Variants in DZANK1 observed in about 807,000 individuals in gnomAD.
DZANK1 encodes double zinc ribbon and ankyrin repeat-containing protein 1.
Under a neutral mutation model 94.5 loss-of-function variants are expected in DZANK1, and 91 were observed. The ratio of observed to expected loss-of-function variants is 0.96; its 90% CI spans 0.81 to 1.15. The LOEUF is 1.15. Among genes scored for constraint, DZANK1 ranks in the 50% most tolerant of loss-of-function variants. The probability of loss-of-function intolerance (pLI) is 0.00; values close to 1 mark genes in which losing one functional copy is unlikely to be tolerated. For synonymous variants in DZANK1, 312 were observed against 325.3 expected (o/e 0.96, Z 0.44); for missense variants, 903 against 916.4 (o/e 0.99, Z 0.19).
chr20:18,458,605 T>A (rs910506853), intron 3 of DZANK1, among the ~76,000 whole-genome samples: 3 of 152,218 alleles, frequency 2.0e-5, no homozygotes, highest in Admixed American at 6.5e-5. Context: ...CGCCTCAGCA[T>A]CCATCTCATC....
At chr20:18,465,574 C>G in intron 1 of DZANK1, 197 bp from the exon 2 acceptor site, 1 of 247,018 alleles carries the variant, frequency 4.0e-6, no homozygotes, top group Admixed American at 5.4e-5. Context: ...TTTTGATTAT[C>G]TAAATACCTC....
chr20:18,426,139 G>GCT (rs376926128), intron 10 of DZANK1, among the ~76,000 whole-genome samples: 2 of 152,306 alleles, frequency 1.3e-5, no homozygotes, highest in African/African-American at 4.8e-5. Flanking sequence ...GGAGGTGAGT[G>GCT]CTCCGCCTCC....
intron 2 of DZANK1, among the ~76,000 whole-genome samples, chr20:18,464,777 G>A (rs920483922): frequency 2.8e-5 from 4 of 143,916 alleles, no homozygotes; most frequent in African/African-American, 1.0e-4. Flanking sequence ...CCAGGTTCAA[G>A]CAATTCTCCT....
At chr20:18,462,036 T>C (rs1272512962) in intron 2 of DZANK1, among the ~76,000 whole-genome samples, 1 of 152,108 alleles carries the variant, frequency 6.6e-6, no homozygotes, top group East Asian at 1.9e-4. Flanking sequence ...ATTTTTCTTT[T>C]AGTTTTCCTA....
Position 18,396,566 on chromosome 20 carries a change from G to T in DZANK1, c.1537-20C>A. 6.3e-7 allele frequency: 1 copy of T among 1,599,854 alleles called. No homozygotes were observed. The highest frequency in any genetic ancestry group is 1.1e-5 in the South Asian group (1 of 89,914). ...GATAAGCTTTTAAAAGAGTTGTAGAGAGAATTCATAACTGTGGGTGTGGGA... is the reference window on the plus strand; with the variant it reads ...GATAAGCTTTTAAAAGAGTTGTAGATAGAATTCATAACTGTGGGTGTGGGA... On this transcript the variant is annotated intron_variant, in intron 14 of 20. Transcript: ENST00000262547.
chr20:18,427,606 G>GGTGTGTGTGTGT lies in DZANK1; in HGVS notation c.862-459_862-448dup, dbSNP rs11474236. On this transcript the variant is annotated intron_variant, in intron 9 of 20. Coordinates refer to ENST00000262547, the Ensembl canonical transcript of DZANK1. ...TCTGCACTGGTTATGTGTAAGGTTG[G>GGTGTGTGTGTGT]GTGTGTGTGTGTGTGTGTGTGTGTG... Among the ~76,000 whole-genome samples, 566 of 148,780 alleles carry GGTGTGTGTGTGT rather than the reference G, an allele frequency of 3.8e-3. 4 individuals carry two copies. The highest frequency in any genetic ancestry group is 0.033 in the South Asian group (154 of 4,636).
chr20:18,464,523 A>C (rs1229334065), intron 2 of DZANK1, among the ~76,000 whole-genome samples: 1 of 152,228 alleles, frequency 6.6e-6, no homozygotes, highest in Non-Finnish European at 1.5e-5. Flanking sequence ...AAAAAGGCTA[A>C]GTAATGTACC....
intron 9 of DZANK1, among the ~76,000 whole-genome samples, chr20:18,432,302 G>C (rs1038329974): frequency 6.6e-6 from 1 of 152,168 alleles, no homozygotes; most frequent in Non-Finnish European, 1.5e-5. Context: ...AATAAGAATA[G>C]ATTTGCTGTG....
At chr20:18,464,079 CT>C (rs539384962) in intron 2 of DZANK1, among the ~76,000 whole-genome samples, 2,312 of 144,756 alleles carry the variant, frequency 0.016, 32 homozygotes, top group African/African-American at 0.025. Flanking sequence ...TTTTCTTTTT[CT>C]TTTTTTTTTT....
chr20:18,394,355 C>T lies in DZANK1; in HGVS notation c.1612-5G>A, dbSNP rs2056205388. ...TGCCTTGTTCAGGTAAAGGTTCTGG[C>T]CAATGAAAACATTTAAACACCATGA... On this transcript the variant is annotated splice_polypyrimidine_tract_variant and splice_region_variant and intron_variant, in intron 15 of 20. Transcript: ENST00000262547. The T allele has an allele frequency of 6.2e-7, 1 of 1,612,490 alleles. No homozygotes were observed. The highest frequency in any genetic ancestry group is 1.7e-5 in the Admixed American group (1 of 59,866).
intron 9 of DZANK1, among the ~76,000 whole-genome samples, chr20:18,428,150 CAAA>C (rs771686647): frequency 1.9e-5 from 2 of 103,384 alleles, no homozygotes; most frequent in African/African-American, 3.6e-5. Flanking sequence ...GACTCCGTCT[CAAA>C]AAAAAAAAAA....
At chr20:18,427,262 T>C (rs2058086038) in intron 9 of DZANK1, 103 bp from the exon 10 acceptor site, 1 of 756,830 alleles carries the variant, frequency 1.3e-6, no homozygotes, top group Non-Finnish European at 2.1e-6. Flanking sequence ...ACAGGCCCTA[T>C]TACTGCACCC....
chr20:18,398,696 G>T, intron 13 of DZANK1, 70 bp from the exon 14 acceptor site: 1 of 1,424,950 alleles, frequency 7.0e-7, no homozygotes, highest in Non-Finnish European at 9.9e-7. Context: ...TGATAGCATG[G>T]AACATATGTT....
chr20:18,384,666 T>C, intron 20 of DZANK1, 102 bp from the exon 21 acceptor site: 1 of 1,267,792 alleles, frequency 7.9e-7, no homozygotes, highest in Non-Finnish European at 1.1e-6. Context: ...GGGCCCCTCC[T>C]GGTCCCACCT....
chr20:18,442,745 C>T (rs2035117188), intron 8 of DZANK1, among the ~76,000 whole-genome samples: 1 of 152,042 alleles, frequency 6.6e-6, no homozygotes. Flanking sequence ...TCATTTTCAT[C>T]CCTTTATTCC....
intron 13 of DZANK1, among the ~76,000 whole-genome samples, chr20:18,410,336 A>G (rs6132057): frequency 0.12 from 17,954 of 152,138 alleles, 1,635 homozygotes; most frequent in East Asian, 0.53. Context: ...ATTTCATTGG[A>G]ATTAATTTAG....
chr20:18,449,953 C>T (rs991567557), intron 6 of DZANK1, among the ~76,000 whole-genome samples: 1 of 151,448 alleles, frequency 6.6e-6, no homozygotes. Context: ...TGGCGCATGC[C>T]TATAATCCCA....
intron 9 of DZANK1, among the ~76,000 whole-genome samples, chr20:18,431,337 G>A (rs1468026855): frequency 1.3e-5 from 2 of 152,194 alleles, no homozygotes; most frequent in African/African-American, 4.8e-5. Flanking sequence ...AGAAGGAAGA[G>A]CGCAGATGGT....
chr20:18,458,884 C>A (rs2059378298), intron 3 of DZANK1, among the ~76,000 whole-genome samples: 1 of 152,308 alleles, frequency 6.6e-6, no homozygotes, highest in East Asian at 1.9e-4. Flanking sequence ...AAGGCATTCA[C>A]CTTTTGAGTT....
Sources: gnomAD v4.1 joint callset for allele counts (sites outside exome capture counted in the v4.1 genomes callset) on GRCh38, gnomAD v4.1.1 for gene constraint, MANE v1.5 for transcripts, NCBI Gene and HGNC (gene_info 2026-07-23, HGNC 2026-07-21) for gene names.